Variants in PRIM2 observed in about 807,000 individuals in gnomAD.
PRIM2 encodes DNA primase subunit 2, also known as DNA primase large subunit.
Under a neutral mutation model 67.3 loss-of-function variants are expected in PRIM2, and 39 were observed. The observed-to-expected ratio is 0.58, with a 90% confidence interval of 0.45 to 0.76. PRIM2 has a LOEUF of 0.76. Ranked by LOEUF, PRIM2 falls within the 30% of genes least tolerant of loss-of-function variation. The pLI is 0.00. For synonymous variants in PRIM2, 143 were observed against 198.7 expected, an observed-to-expected ratio of 0.72 and a Z score of 2.36; for missense variants, 398 against 598.7, an observed-to-expected ratio of 0.66 and a Z score of 3.50.
chr6:57,537,381 T>C (rs1286686177), intron 9 of PRIM2, 59 bp from the exon 10 acceptor site: 6 of 851,290 alleles, frequency 7.0e-6, no homozygotes, highest in African/African-American at 1.7e-5. Flanking sequence ...TAACAAATAT[T>C]ACAGGGGACC....
At chr6:57,314,485 C>T (rs1767443685), upstream of PRIM2, among the ~76,000 whole-genome samples, 1 of 152,262 alleles carries the variant, frequency 6.6e-6, no homozygotes, top group South Asian at 2.1e-4. Context: ...TACTGCACTC[C>T]AGCCTGGGCA....
chr6:57,269,724 G>C, the PRIM2 span, among the ~76,000 whole-genome samples: 20 of 152,192 alleles, frequency 1.3e-4, no homozygotes, highest in Non-Finnish European at 2.4e-4. Flanking sequence ...GTCCTGAATG[G>C]TATTGCCTAG....
At chr6:57,281,642 C>T in the PRIM2 span, among the ~76,000 whole-genome samples, 1 of 152,144 alleles carries the variant, frequency 6.6e-6, no homozygotes, top group Admixed American at 6.5e-5. Context: ...CCTGGAGTCA[C>T]AGTGCATTAC....
intron 12 of PRIM2, among the ~76,000 whole-genome samples, chr6:57,631,221 A>G (rs1467456612): frequency 2.6e-4 from 39 of 152,312 alleles, no homozygotes; most frequent in African/African-American, 8.9e-4. Flanking sequence ...TTGTGACAGG[A>G]AGATCAGCCT....
chr6:57,537,066 T>C (rs1187261383), intron 9 of PRIM2, among the ~76,000 whole-genome samples: 1 of 152,248 alleles, frequency 6.6e-6, no homozygotes, highest in Non-Finnish European at 1.5e-5. Context: ...TGTAGTTGTA[T>C]ATGATTTTAT....
chr6:57,553,508 T>A (rs1266643306), intron 10 of PRIM2, among the ~76,000 whole-genome samples: 1 of 152,196 alleles, frequency 6.6e-6, no homozygotes, highest in Non-Finnish European at 1.5e-5. Flanking sequence ...CAAGAAGAGA[T>A]CATGAAGTCT....
intron 7 of PRIM2, among the ~76,000 whole-genome samples, chr6:57,393,765 T>C (rs546863298): frequency 6.6e-6 from 1 of 151,884 alleles, no homozygotes; most frequent in Admixed American, 6.6e-5. Context: ...GTTTTCCCAA[T>C]GTTATCTTCT....
intron 9 of PRIM2, among the ~76,000 whole-genome samples, chr6:57,534,303 G>C (rs1410202504): frequency 8.6e-5 from 13 of 151,682 alleles, no homozygotes; most frequent in African/African-American, 1.9e-4. Context: ...GTTGCTATTC[G>C]ACCCCCTCCC....
intron 10 of PRIM2, among the ~76,000 whole-genome samples, chr6:57,540,082 C>T (rs1775115815): frequency 6.6e-6 from 1 of 151,846 alleles, no homozygotes; most frequent in Admixed American, 6.6e-5. Context: ...TAAATTAGAC[C>T]CTCTTCAAGC....
At chr6:57,601,632 G>A (rs1450533973) in intron 11 of PRIM2, among the ~76,000 whole-genome samples, 3 of 152,130 alleles carry the variant, frequency 2.0e-5, no homozygotes, top group African/African-American at 7.2e-5. Context: ...GGAAAAGTGT[G>A]AGGTTTTTTT....
At chr6:57,571,912 G>C (rs1486161823) in intron 10 of PRIM2, among the ~76,000 whole-genome samples, 1 of 152,198 alleles carries the variant, frequency 6.6e-6, no homozygotes, top group African/African-American at 2.4e-5. Flanking sequence ...CTTGATTCAT[G>C]TAAAATCCAT....
At chr6:57,431,554 A>G (rs2127379400) in intron 7 of PRIM2, among the ~76,000 whole-genome samples, 1 of 152,234 alleles carries the variant, frequency 6.6e-6, no homozygotes, top group Admixed American at 6.5e-5. Flanking sequence ...GGGCTCAGGT[A>G]AGAGGATTGC....
At chr6:57,356,126 A>G in intron 5 of PRIM2, among the ~76,000 whole-genome samples, 1 of 152,186 alleles carries the variant, frequency 6.6e-6, no homozygotes, top group East Asian at 1.9e-4. Context: ...AAGCGGGGAT[A>G]CACCAGAGAG....
chr6:57,437,846 G>GT (rs1344836876), intron 7 of PRIM2, among the ~76,000 whole-genome samples: 2 of 151,946 alleles, frequency 1.3e-5, no homozygotes, highest in Non-Finnish European at 2.9e-5. Flanking sequence ...TGTATATCTG[G>GT]TAGGGATGGG....
At chr6:57,480,037 T>G (rs1272688459) in intron 7 of PRIM2, among the ~76,000 whole-genome samples, 4,065 of 152,130 alleles carry the variant, frequency 0.027, 161 homozygotes, top group African/African-American at 0.092. Context: ...GAGATGGGGA[T>G]GGAGTATAAA....
At chr6:57,281,187 A>G in the PRIM2 span, among the ~76,000 whole-genome samples, 1 of 152,114 alleles carries the variant, frequency 6.6e-6, no homozygotes, top group Admixed American at 6.5e-5. Context: ...GTTTTCTTTT[A>G]TCTATTCATC....
the PRIM2 span, among the ~76,000 whole-genome samples, chr6:57,272,780 A>G: frequency 1.0e-3 from 152 of 152,118 alleles, no homozygotes; most frequent in African/African-American, 3.5e-3. Flanking sequence ...GTTCCTTTCC[A>G]TGTTTAGTGC....
chr6:57,332,988 G>C (rs778417099), intron 5 of PRIM2, among the ~76,000 whole-genome samples: 6 of 151,858 alleles, frequency 4.0e-5, no homozygotes, highest in South Asian at 2.1e-4. Context: ...GTATTTTCTA[G>C]TGTACCATTT....
intron 5 of PRIM2, among the ~76,000 whole-genome samples, chr6:57,350,988 A>G (rs960552563): frequency 6.6e-6 from 1 of 150,974 alleles, no homozygotes; most frequent in African/African-American, 2.4e-5. Context: ...ATAGGAGGGC[A>G]GGAAGGAATT....
Sources: gnomAD v4.1 joint callset for allele counts (sites outside exome capture counted in the v4.1 genomes callset) on GRCh38, gnomAD v4.1.1 for gene constraint, MANE v1.5 for transcripts, NCBI Gene and HGNC (gene_info 2026-07-23, HGNC 2026-07-21) for gene names.